Variants in MICAL2 observed in about 807,000 individuals in gnomAD.
The protein encoded by MICAL2 is microtubule associated monooxygenase, calponin and LIM domain containing 2.
A neutral mutation model predicts 127.3 loss-of-function variants in MICAL2; 77 were observed. The observed-to-expected ratio is 0.60, with a 90% CI of 0.50 to 0.73. MICAL2 has a LOEUF of 0.73. Among genes scored for constraint, MICAL2 ranks in the 30% least tolerant of loss-of-function variants. The pLI, the probability that MICAL2 is intolerant of heterozygous loss-of-function variation, is 0.00. For missense variants in MICAL2, 1,351 were observed against 1,434.4 expected (o/e 0.94, Z 0.94); for synonymous variants, 570 against 551.1 (o/e 1.03, Z -0.48).
At chr11:12,242,593 A>C (rs880963) in intron 19 of MICAL2, 78 bp from the exon 20 acceptor site, 769,686 of 1,469,388 alleles carry the variant, frequency 0.52, 205,604 homozygotes, top group African/African-American at 0.63. Flanking sequence ...TGCCTCCCTC[A>C]CCCACTTCTT....
intron 3 of MICAL2, among the ~76,000 whole-genome samples, chr11:12,178,151 C>G (rs1442580317): frequency 2.6e-5 from 4 of 152,136 alleles, no homozygotes; most frequent in African/African-American, 9.7e-5. Flanking sequence ...CATGATGAAG[C>G]TGCCATTAAG....
chr11:12,125,437 G>A (rs1022289970), intron 1 of MICAL2, among the ~76,000 whole-genome samples: 1 of 152,276 alleles, frequency 6.6e-6, no homozygotes, highest in Non-Finnish European at 1.5e-5. Context: ...TGTATTTTTA[G>A]TACAGACGGG....
chr11:12,358,638 C>T, downstream of MICAL2: 1 of 613,792 alleles, frequency 1.6e-6, no homozygotes, highest in Non-Finnish European at 2.6e-6. Context: ...CGCATGGCAG[C>T]TTCCCAAGGT....
downstream of MICAL2, chr11:12,358,599 G>T: frequency 4.2e-6 from 4 of 943,416 alleles, 1 homozygote; most frequent in South Asian, 8.8e-5. Context: ...ATACCTTACT[G>T]CATTTTTTAA....
intron 3 of MICAL2, among the ~76,000 whole-genome samples, chr11:12,181,566 A>G (rs527618186): frequency 1.6e-4 from 24 of 152,302 alleles, no homozygotes; most frequent in African/African-American, 5.1e-4. Context: ...TTCAATTACA[A>G]TAATCTGTAA....
intron 1 of MICAL2, among the ~76,000 whole-genome samples, chr11:12,132,607 C>T (rs1003569070): frequency 1.3e-5 from 2 of 152,224 alleles, no homozygotes; most frequent in African/African-American, 4.8e-5. Flanking sequence ...GCCAGCTGGG[C>T]GCTGGGCGGT....
At chr11:12,358,838 T>C (rs1031334823), downstream of MICAL2, 9 of 158,846 alleles carry the variant, frequency 5.7e-5, no homozygotes, top group Non-Finnish European at 1.1e-4. Context: ...TTACATACTT[T>C]AAGATTTTTG....
chr11:12,140,457 A>C (rs1852238090), intron 2 of MICAL2, among the ~76,000 whole-genome samples: 1 of 150,916 alleles, frequency 6.6e-6, no homozygotes, highest in South Asian at 2.1e-4. Flanking sequence ...GAGACCTAAG[A>C]GGAGCTCAAT....
At chr11:12,327,870 C>T (rs1164052177) in intron 32 of MICAL2, among the ~76,000 whole-genome samples, 5 of 150,224 alleles carry the variant, frequency 3.3e-5, no homozygotes, top group South Asian at 2.1e-4. Context: ...GGTATTGGAG[C>T]AGTGTTGGTA....
intron 3 of MICAL2, among the ~76,000 whole-genome samples, chr11:12,203,814 T>A (rs556346928): frequency 3.9e-5 from 6 of 152,358 alleles, no homozygotes; most frequent in African/African-American, 1.2e-4. Context: ...TCCTGTTATA[T>A]CTAAGACACT....
chr11:12,207,186 G>T (rs1199583113), intron 4 of MICAL2, among the ~76,000 whole-genome samples: 1 of 151,892 alleles, frequency 6.6e-6, no homozygotes, highest in East Asian at 1.9e-4. Context: ...CCCCCACTAA[G>T]GCCCTGTTCT....
chr11:12,312,092 G>T (rs752739011), intron 29 of MICAL2, among the ~76,000 whole-genome samples: 1 of 151,282 alleles, frequency 6.6e-6, no homozygotes, highest in Non-Finnish European at 1.5e-5. Flanking sequence ...AATACTCTAT[G>T]GGACTTCTCA....
intron 3 of MICAL2, among the ~76,000 whole-genome samples, chr11:12,164,661 C>T (rs1338944094): frequency 6.6e-6 from 1 of 152,140 alleles, no homozygotes; most frequent in Non-Finnish European, 1.5e-5. Flanking sequence ...GAATCTGTCT[C>T]TTCCAGGTCA....
chr11:12,351,924 G>A lies in MICAL2; in HGVS notation c.5615+1987G>A, dbSNP rs942806309. On this transcript the variant is annotated intron_variant, in intron 33 of 34. Transcript: ENST00000646065. ...TTCTGCCTCAGCCTCCCAAGAAGCTGGGACTACAGGTGCACACCACACCCA... is the reference window on the plus strand; with the variant it reads ...TTCTGCCTCAGCCTCCCAAGAAGCTAGGACTACAGGTGCACACCACACCCA... 2.0e-5 allele frequency among the ~76,000 whole-genome samples: 3 copies of A among 151,986 alleles called. 1 individual carries two copies. In the East Asian group the frequency reaches 5.8e-4, roughly 29 times the overall value.
In MICAL2 at chr11:12,209,589, A is replaced by G. The variant is rs759412764; in HGVS notation, c.682A>G (p.Thr228Ala). 3.7e-6 allele frequency: 6 copies of G among 1,613,222 alleles called. No homozygotes were observed. In the African/African-American group the frequency reaches 6.7e-5, roughly 18 times the overall value. ...VIIGADGRRNTLEGFRRKEFR... is the reference protein window; with the variant it reads ...VIIGADGRRNALEGFRRKEFR... ...CATTGGTGCCGATGGCCGCAGGAACACCCTGGAAGGTGAAGACTCTTCTTC... is the reference window on the plus strand; with the variant it reads ...CATTGGTGCCGATGGCCGCAGGAACGCCCTGGAAGGTGAAGACTCTTCTTC... The change falls in exon 6 of 28, where the codon ACC becomes GCC. Residue 228 changes from threonine to alanine, a missense_variant. By Grantham distance (58) the Thr-to-Ala change is moderately conservative. Coordinates refer to ENST00000683283, the MANE Select transcript of MICAL2 (RefSeq NM_001282663.2).
chr11:12,164,780 CAT>C (rs1196394920), intron 3 of MICAL2, among the ~76,000 whole-genome samples: 2 of 152,196 alleles, frequency 1.3e-5, no homozygotes, highest in Non-Finnish European at 2.9e-5. Context: ...TCAAGCATCA[CAT>C]GATTGATGTG....
intron 29 of MICAL2, among the ~76,000 whole-genome samples, chr11:12,301,415 G>T (rs1015334802): frequency 2.6e-5 from 4 of 152,174 alleles, no homozygotes; most frequent in Non-Finnish European, 5.9e-5. Flanking sequence ...GGGCATTGAG[G>T]TTGTTTTCAG....
At position 12,221,703 on chromosome 11, in the gene MICAL2, A is replaced by T; in HGVS notation, c.1266A>T (p.Ala422=). ...GCTTCCTGGCAGCCTTTGACACGGC[A>T]TGGATGGTGAAGAGCTGGAACCAGG... ...ARGFLAAFDT[A]WMVKSWNQGT... The change falls in exon 10 of 28, where the codon GCA becomes GCT. Residue 422 remains alanine (A), a synonymous_variant. Coordinates refer to ENST00000683283, the MANE Select transcript of MICAL2 (RefSeq NM_001282663.2). 6.2e-7 allele frequency: 1 copy of T among 1,613,990 alleles called. No individual in the cohort carries two copies. Among genetic ancestry groups the T allele is most frequent in the Non-Finnish European group, 8.5e-7 (1 of 1,179,952 alleles).
chr11:12,312,494 T>G (rs1309763723), intron 29 of MICAL2, among the ~76,000 whole-genome samples: 1 of 152,202 alleles, frequency 6.6e-6, no homozygotes, highest in Non-Finnish European at 1.5e-5. Flanking sequence ...ACAGCGTGTT[T>G]AGAAAAATAT....
Sources: gnomAD v4.1 joint callset for allele counts (sites outside exome capture counted in the v4.1 genomes callset) on GRCh38, gnomAD v4.1.1 for gene constraint, MANE v1.5 for transcripts, NCBI Gene and HGNC (gene_info 2026-07-23, HGNC 2026-07-21) for gene names.